TENM2: variants seen among roughly 807,000 people sequenced by gnomAD.
TENM2 encodes teneurin-2.
TENM2 carries 52 observed loss-of-function variants against 245.2 expected under a neutral mutation model. The observed-to-expected ratio is 0.21, with a 90% CI of 0.17 to 0.27. TENM2 has a LOEUF of 0.27. Ranked by LOEUF, TENM2 falls within the 10% of genes least tolerant of loss-of-function variation. The pLI, the probability that TENM2 is intolerant of heterozygous loss-of-function variation, is 1.00. For missense variants in TENM2, 3,046 were observed against 3,666.8 expected (o/e 0.83, Z 4.37); for synonymous variants, 1,363 against 1,438.9 (o/e 0.95, Z 1.19).
At chr5:168,148,005 G>A (rs1289875980) in intron 12 of TENM2, among the ~76,000 whole-genome samples, 1 of 152,198 alleles carries the variant, frequency 6.6e-6, no homozygotes, top group Non-Finnish European at 1.5e-5. Context: ...TTAGAGATGC[G>A]AGCATTCCAT....
At chr5:167,563,698 C>T (rs1369597625) in intron 2 of TENM2, among the ~76,000 whole-genome samples, 1 of 152,100 alleles carries the variant, frequency 6.6e-6, no homozygotes, top group Non-Finnish European at 1.5e-5. Context: ...ATGGAACTGC[C>T]CTATATAGTG....
chr5:167,445,384 C>CTTG (rs1372391247), intron 2 of TENM2, among the ~76,000 whole-genome samples: 1 of 63,940 alleles, frequency 1.6e-5, no homozygotes, highest in Admixed American at 1.7e-4. Flanking sequence ...CAGGTGTTGT[C>CTTG]TTGTTGTTGG....
At chr5:168,262,738 G>A (rs777360997) in exon 29 of TENM2, 2 of 1,610,918 alleles carry the variant, frequency 1.2e-6, no homozygotes, top group East Asian at 2.2e-5. Flanking sequence ...TTCCCGTGGA[G>A]CAATACCCAG....
chr5:167,957,556 T>C (rs775430354), intron 4 of TENM2, among the ~76,000 whole-genome samples: 13 of 152,184 alleles, frequency 8.5e-5, no homozygotes, highest in Non-Finnish European at 1.6e-4. Flanking sequence ...GTTCTTTGAA[T>C]TGTGATGTTA....
Position 167,861,052 on chromosome 5 carries a change from T to TA in TENM2, c.503-14918dup, listed in dbSNP as rs397999860. Among the ~76,000 whole-genome samples, 85 of 133,486 alleles carry TA rather than the reference T, an allele frequency of 6.4e-4. No individual in the cohort carries two copies. The Middle Eastern group carries it at 0.012, about 18-fold the overall frequency. The allele number at this position is 133,486 out of a possible 152,430, so 87.6% of individuals were successfully genotyped here. On this transcript the variant is annotated intron_variant, in intron 2 of 28. Coordinates refer to ENST00000518659, the Ensembl canonical transcript of TENM2. ...AAGAATTATCAATAAAAAAAAAAAT[T>TA]AAAAAAAAAAAAAAAAGAAAACAAC...
intron 2 of TENM2, among the ~76,000 whole-genome samples, chr5:167,466,678 TA>T (rs1582127953): frequency 6.6e-6 from 1 of 152,216 alleles, no homozygotes; most frequent in East Asian, 1.9e-4. Context: ...ATTCCAAAAA[TA>T]TTATTTTTAA....
At chr5:167,244,168 A>G in the TENM2 span, among the ~76,000 whole-genome samples, 1 of 152,190 alleles carries the variant, frequency 6.6e-6, no homozygotes, top group Non-Finnish European at 1.5e-5. Flanking sequence ...GTGTTCTTCT[A>G]ATGTTATGAT....
intron 2 of TENM2, among the ~76,000 whole-genome samples, chr5:167,740,980 T>A (rs182704357): frequency 6.6e-6 from 1 of 152,292 alleles, no homozygotes; most frequent in East Asian, 1.9e-4. Flanking sequence ...ACCCTGCAGA[T>A]GTGCCGAGCT....
At chr5:167,509,979 T>C (rs1328948115) in intron 2 of TENM2, among the ~76,000 whole-genome samples, 1 of 152,214 alleles carries the variant, frequency 6.6e-6, no homozygotes, top group Non-Finnish European at 1.5e-5. Context: ...AAGAATGATA[T>C]GTAGCTATCA....
rs116810963 is a variant in TENM2, at chr5:168,247,068, C to T, written c.6129C>T (p.Asp2043=). The T allele has an allele frequency of 8.1e-4, 1,309 of 1,613,918 alleles. 8 individuals are homozygous for T. In the African/African-American group the frequency reaches 0.015, roughly 18 times the overall value. The change falls in exon 27 of 29, where the codon GAC becomes GAT. Residue 2043 remains aspartate, a synonymous_variant. Transcript: ENST00000518659. This position sits in a 1 kb window ranked among gnomAD's most constrained non-coding sequence, Gnocchi z 7.8. The stretch of plus-strand genomic sequence containing the variant: ...GTACCGCCGTCACCTTCGGGTATGA[C>T]GAGACCACTGGTGTCTTGAAGATGG...
In TENM2 at chr5:168,055,897, C is replaced by T. The variant is rs557444104; in HGVS notation, c.1310-6163C>T. Among the ~76,000 whole-genome samples, 3 of 152,336 alleles carry T rather than the reference C, an allele frequency of 2.0e-5. No individual in the cohort carries two copies. In the East Asian group the frequency reaches 5.8e-4, roughly 29 times the overall value. On this transcript the variant is annotated intron_variant, in intron 6 of 28. Transcript: ENST00000518659. ...TTCAAACCCAGGCTGACTAGCTCCA[C>T]TGGGCAACATTGCCTCCTTAAGGTC...
intron 2 of TENM2, among the ~76,000 whole-genome samples, chr5:167,732,337 G>A (rs188469012): frequency 6.6e-6 from 1 of 152,208 alleles, no homozygotes; most frequent in African/African-American, 2.4e-5. Context: ...TGTCCCTTGT[G>A]AATGCAATGT....
At chr5:167,254,836 A>C in the TENM2 span, among the ~76,000 whole-genome samples, 1 of 152,044 alleles carries the variant, frequency 6.6e-6, no homozygotes, top group Non-Finnish European at 1.5e-5. Context: ...AACTCTGAGG[A>C]CAGACCCTTT....
chr5:167,722,529 G>T (rs1759699401), intron 2 of TENM2, among the ~76,000 whole-genome samples: 1 of 151,972 alleles, frequency 6.6e-6, no homozygotes. Flanking sequence ...TCTTGTTGAG[G>T]GTGAAAAAGA....
rs772389464 is a variant in TENM2 at position 168,226,198 on chromosome 5, G to A, written c.5219G>A (p.Arg1740His). Residue 1740 changes from arginine to histidine, a missense_variant, in exon 24 of 29, where the codon CGT becomes CAT. By Grantham distance (29) the Arg-to-His change is conservative. Around this residue, in one of 2 missense-constraint regions of TENM2, gnomAD observed 2,704 missense variants for 3,331.9 expected, o/e 0.81. Transcript: ENST00000518659. ...ACCATTGACATTGAGAACTCCAACC[G>A]TGATGATGACGTCACTGTCATCACC... The A allele has an allele frequency of 3.2e-5, 51 of 1,613,406 alleles. 1 individual carries two copies. In the Admixed American group the frequency reaches 4.2e-4, roughly 13 times the overall value.
At chr5:167,481,590 G>T (rs1228932395) in intron 2 of TENM2, among the ~76,000 whole-genome samples, 3 of 152,032 alleles carry the variant, frequency 2.0e-5, no homozygotes, top group African/African-American at 7.3e-5. Flanking sequence ...GTTATAACTC[G>T]ACAGCGTTTC....
chr5:167,262,405 G>T, the TENM2 span, among the ~76,000 whole-genome samples: 144 of 150,946 alleles, frequency 9.5e-4, no homozygotes, highest in African/African-American at 3.4e-3. Context: ...TTTTTGGGGG[G>T]GCGGTGCACA....
chr5:167,374,699 A>T (rs896845489), intron 1 of TENM2, among the ~76,000 whole-genome samples: 3 of 152,292 alleles, frequency 2.0e-5, no homozygotes, highest in African/African-American at 2.4e-5. Context: ...CGGAGGGATC[A>T]GATCCAGGTA....
chr5:167,388,727 T>G (rs75583221), intron 2 of TENM2, among the ~76,000 whole-genome samples: 5,646 of 152,166 alleles, frequency 0.037, 129 homozygotes, highest in Non-Finnish European at 0.055. Flanking sequence ...CGAATAATTT[T>G]TTACTTTCCA....
Sources: allele counts gnomAD v4.1 joint callset (sites outside exome capture counted in the v4.1 genomes callset), GRCh38; gene constraint gnomAD v4.1.1; regional missense constraint gnomAD v4.1.1; non-coding constraint Gnocchi (gnomAD v3.1); transcripts MANE v1.5; gene names NCBI Gene and HGNC (gene_info 2026-07-23, HGNC 2026-07-21).